PTK2: variants seen among roughly 807,000 people sequenced by gnomAD.
The protein encoded by PTK2 is protein tyrosine kinase 2, also known as focal adhesion kinase 1.
A neutral mutation model predicts 150.1 loss-of-function variants in PTK2; 45 were observed. The observed-to-expected ratio is 0.30, with a 90% confidence interval of 0.24 to 0.38. PTK2 has a LOEUF of 0.38. Among genes scored for constraint, PTK2 ranks in the 10% least tolerant of loss-of-function variants. PTK2 has a pLI of 1.00. For missense variants in PTK2, 919 were observed against 1,307.3 expected, an observed-to-expected ratio of 0.70 and a Z score of 4.58; for synonymous variants, 432 against 449.2, an observed-to-expected ratio of 0.96 and a Z score of 0.48.
At chr8:140,900,033 G>T (rs954153166) in intron 2 of PTK2, among the ~76,000 whole-genome samples, 1 of 152,134 alleles carries the variant, frequency 6.6e-6, no homozygotes, top group African/African-American at 2.4e-5. Flanking sequence ...TTTCCTCTGC[G>T]ATCTGAAACA....
intron 1 of PTK2, among the ~76,000 whole-genome samples, chr8:140,940,380 C>T (rs1054939716): frequency 2.3e-4 from 35 of 151,898 alleles, no homozygotes; most frequent in East Asian, 1.9e-4. Context: ...ACCCGGGAAA[C>T]GGAGCTTGCA....
intron 18 of PTK2, 181 bp downstream of exon 21, chr8:140,746,579 C>T (rs2100058897): frequency 2.1e-6 from 1 of 479,400 alleles, no homozygotes; most frequent in African/African-American, 2.0e-5. Context: ...TAAGGGGATG[C>T]TTTGGGAATT....
chr8:140,705,114 C>T (rs1018673143), intron 24 of PTK2, among the ~76,000 whole-genome samples: 3 of 152,064 alleles, frequency 2.0e-5, no homozygotes, highest in Admixed American at 6.6e-5. Flanking sequence ...TAGAATCTGG[C>T]GGCTAGATAA....
intron 1 of PTK2, among the ~76,000 whole-genome samples, chr8:140,950,614 C>T (rs1201288063): frequency 1.3e-5 from 2 of 152,224 alleles, no homozygotes; most frequent in African/African-American, 2.4e-5. Flanking sequence ...GCCGAGTAGG[C>T]GAACAAGCCC....
intron 1 of PTK2, among the ~76,000 whole-genome samples, chr8:140,951,529 T>C (rs954535152): frequency 5.9e-5 from 9 of 152,222 alleles, no homozygotes; most frequent in African/African-American, 9.6e-5. Flanking sequence ...TGGGTTTATA[T>C]ATTTTCAAAT....
At chr8:140,808,463 T>G (rs1421844133) in intron 10 of PTK2, among the ~76,000 whole-genome samples, 2 of 152,194 alleles carry the variant, frequency 1.3e-5, no homozygotes, top group East Asian at 3.9e-4. Flanking sequence ...GGCACAGAGG[T>G]CCTTATAAAC....
chr8:140,811,036 C>T (rs1191323222), intron 10 of PTK2, among the ~76,000 whole-genome samples: 1 of 152,236 alleles, frequency 6.6e-6, no homozygotes, highest in African/African-American at 2.4e-5. Flanking sequence ...CCACTAGCAA[C>T]CTGCCGGGCT....
chr8:140,717,853 A>G (rs180766664), intron 22 of PTK2, 144 bp from the exon 26 acceptor site: 1 of 614,586 alleles, frequency 1.6e-6, no homozygotes, highest in African/African-American at 1.8e-5. Flanking sequence ...GGAAAGAAGG[A>G]TCAGGTTTCT....
chr8:140,765,430 T>C (rs1486217461), intron 14 of PTK2, among the ~76,000 whole-genome samples: 1 of 152,072 alleles, frequency 6.6e-6, no homozygotes, highest in African/African-American at 2.4e-5. Context: ...AATCTACAAG[T>C]GGAAGAATTC....
intron 5 of PTK2, among the ~76,000 whole-genome samples, chr8:140,847,122 A>G (rs1020799194): frequency 1.3e-5 from 2 of 152,194 alleles, no homozygotes; most frequent in Admixed American, 1.3e-4. Flanking sequence ...AAAAGTAAAA[A>G]CAAGAAGGGA....
chr8:140,821,169 T>A (rs147921410), intron 8 of PTK2: 2 of 152,204 alleles, frequency 1.3e-5, no homozygotes, highest in African/African-American at 4.8e-5. Context: ...ACAAGATTCC[T>A]GAAGACAGGA....
chr8:140,825,166 C>A lies in PTK2; in HGVS notation c.648+5306G>T, dbSNP rs145532749. Reference sequence around the variant, plus strand: ...TTTAAATGCAGATACATTAACAGCGCGTGAAGAGAGCCTCTTCTTACTCCT... The same window carrying A: ...TTTAAATGCAGATACATTAACAGCGAGTGAAGAGAGCCTCTTCTTACTCCT... On this transcript the variant is annotated intron_variant, in intron 8 of 31. Transcript: ENST00000522684. 2.7e-3 allele frequency among the ~76,000 whole-genome samples: 409 copies of A among 152,230 alleles called. 4 individuals carry two copies. The highest frequency in any genetic ancestry group is 9.7e-3 in the East Asian group (50 of 5,180).
intron 18 of PTK2, among the ~76,000 whole-genome samples, chr8:140,746,097 C>T (rs1593384036): frequency 1.3e-5 from 2 of 151,998 alleles, no homozygotes; most frequent in Admixed American, 6.6e-5. Context: ...TTTGCGAGGC[C>T]GAGGCAGGCG....
chr8:140,924,430 G>C (rs2100168695), intron 2 of PTK2, among the ~76,000 whole-genome samples: 1 of 152,188 alleles, frequency 6.6e-6, no homozygotes, highest in Admixed American at 6.5e-5. Flanking sequence ...CTCCGTGACA[G>C]AAGGAAATTC....
intron 17 of PTK2, chr8:140,750,325 T>C (rs1043361547): frequency 5.9e-5 from 9 of 152,226 alleles, no homozygotes; most frequent in Non-Finnish European, 1.2e-4. Context: ...CCAGGTGTTC[T>C]CTAGGTGTCA....
chr8:140,868,000 T>C (rs1311113920), intron 4 of PTK2, among the ~76,000 whole-genome samples: 1 of 152,238 alleles, frequency 6.6e-6, no homozygotes, highest in Non-Finnish European at 1.5e-5. Context: ...CGCCTCTCCA[T>C]GGATTCCCAA....
chr8:140,828,277 AG>A (rs1396299026), intron 8 of PTK2, among the ~76,000 whole-genome samples: 1 of 152,162 alleles, frequency 6.6e-6, no homozygotes, highest in Non-Finnish European at 1.5e-5. Flanking sequence ...AGAAAAGAGT[AG>A]GAGAGGGAAC....
At chr8:140,961,846 T>C (rs1411795932) in intron 1 of PTK2, among the ~76,000 whole-genome samples, 2 of 152,176 alleles carry the variant, frequency 1.3e-5, no homozygotes, top group Non-Finnish European at 2.9e-5. Flanking sequence ...TTTAATTCTT[T>C]TAAAGATTTC....
intron 4 of PTK2, among the ~76,000 whole-genome samples, chr8:140,865,238 A>AT (rs967229944): frequency 1.5e-4 from 23 of 152,140 alleles, no homozygotes; most frequent in African/African-American, 4.3e-4. Context: ...TGAGTTTTTT[A>AT]TTTTTTGTAG....
Sources: allele counts gnomAD v4.1 joint callset (sites outside exome capture counted in the v4.1 genomes callset), GRCh38; gene constraint gnomAD v4.1.1; transcripts MANE v1.5; gene names NCBI Gene and HGNC (gene_info 2026-07-23, HGNC 2026-07-21).